FOXO3: variants seen among roughly 807,000 people sequenced by gnomAD.
The protein encoded by FOXO3 is forkhead box O3, also known as forkhead box protein O3.
A neutral mutation model predicts 41.9 loss-of-function variants in FOXO3; 4 were observed. The observed-to-expected ratio is 0.10, with a 90% confidence interval of 0.05 to 0.22. The LOEUF is 0.22. FOXO3 is among the 10% of genes least tolerant of loss of function. The pLI is 1.00. For synonymous variants in FOXO3, 318 were observed against 389.3 expected, an observed-to-expected ratio of 0.82 and a Z score of 2.16; for missense variants, 534 against 906.8, an observed-to-expected ratio of 0.59 and a Z score of 5.28.
intron 1 of FOXO3, among the ~76,000 whole-genome samples, chr6:108,581,043 T>G (rs1776406354): frequency 6.6e-6 from 1 of 152,220 alleles, no homozygotes; most frequent in African/African-American, 2.4e-5. Context: ...CCTGTAGTCA[T>G]TGCTTTCTCT....
chr6:108,567,138 CTT>C lies in FOXO3; in HGVS notation c.621+5316_621+5317del, dbSNP rs918657772. Among the ~76,000 whole-genome samples the C allele has an allele frequency of 5.2e-3, 794 of 152,162 alleles. 8 individuals carry two copies. The highest frequency in any genetic ancestry group is 0.017 in the African/African-American group (719 of 41,498). On this transcript the variant is annotated intron_variant, in intron 1 of 2. Transcript: ENST00000406360. ...TGTCATTGCTGCCTATTCCCGTTGC[CTT>C]TTTTTTACATCTGTATTTCTGCTTT... is the stretch of plus-strand genomic sequence containing the variant.
intron 2 of FOXO3, among the ~76,000 whole-genome samples, chr6:108,674,408 C>T (rs567507138): frequency 2.0e-5 from 3 of 152,302 alleles, no homozygotes; most frequent in African/African-American, 7.2e-5. Context: ...GGAATATGTG[C>T]TGCACGAGGG....
intron 2 of FOXO3, among the ~76,000 whole-genome samples, chr6:108,672,261 C>G (rs1446193391): frequency 6.6e-6 from 1 of 152,178 alleles, no homozygotes; most frequent in African/African-American, 2.4e-5. Context: ...GGCCTTGGGT[C>G]TCCCCAGAGC....
At chr6:108,563,231 T>A (rs1342654322) in intron 1 of FOXO3, among the ~76,000 whole-genome samples, 1 of 152,244 alleles carries the variant, frequency 6.6e-6, no homozygotes, top group African/African-American at 2.4e-5. Context: ...CAAAGTTAAA[T>A]ACGGCTTATA....
At chr6:108,677,038 T>A (rs926228729) in intron 2 of FOXO3, among the ~76,000 whole-genome samples, 1 of 152,228 alleles carries the variant, frequency 6.6e-6, no homozygotes, top group East Asian at 1.9e-4. Flanking sequence ...CTGTATTAAA[T>A]TTGTCCTCTG....
chr6:108,637,608 A>T (rs912691851), intron 1 of FOXO3, among the ~76,000 whole-genome samples: 6 of 152,080 alleles, frequency 3.9e-5, no homozygotes, highest in African/African-American at 1.4e-4. Flanking sequence ...TAGAGTCGTG[A>T]TTCTGGAAGA....
intron 1 of FOXO3, among the ~76,000 whole-genome samples, chr6:108,572,769 A>T (rs1244290157): frequency 6.6e-6 from 1 of 152,202 alleles, no homozygotes; most frequent in Non-Finnish European, 1.5e-5. Context: ...AGCCCTTATT[A>T]TGTGCCCGTT....
chr6:108,588,815 C>T (rs1051344937), intron 1 of FOXO3, among the ~76,000 whole-genome samples: 3 of 152,192 alleles, frequency 2.0e-5, no homozygotes, highest in Admixed American at 6.5e-5. Flanking sequence ...CTTTAGCATG[C>T]TTTCTGCTGT....
At chr6:108,566,284 T>C (rs1434831596) in intron 1 of FOXO3, among the ~76,000 whole-genome samples, 3 of 152,166 alleles carry the variant, frequency 2.0e-5, no homozygotes, top group African/African-American at 7.2e-5. Flanking sequence ...GCAGACTTAT[T>C]TTTAGGAGAT....
chr6:108,675,868 T>A (rs1270615902), intron 2 of FOXO3, among the ~76,000 whole-genome samples: 1 of 152,184 alleles, frequency 6.6e-6, no homozygotes, highest in East Asian at 1.9e-4. Context: ...TGTTTCACAG[T>A]GGATTAAGTT....
intron 1 of FOXO3, among the ~76,000 whole-genome samples, chr6:108,643,118 T>G (rs561823269): frequency 6.6e-6 from 1 of 152,376 alleles, no homozygotes; most frequent in Non-Finnish European, 1.5e-5. Flanking sequence ...GTAAATAGAC[T>G]TCTAAACTTT....
chr6:108,592,191 C>A (rs1345490384), intron 1 of FOXO3, among the ~76,000 whole-genome samples: 1 of 152,142 alleles, frequency 6.6e-6, no homozygotes, highest in Non-Finnish European at 1.5e-5. Context: ...TGTTTTATAT[C>A]TTAATTGTGG....
intron 1 of FOXO3, among the ~76,000 whole-genome samples, chr6:108,632,306 T>A (rs1777994455): frequency 1.3e-5 from 2 of 152,048 alleles, no homozygotes; most frequent in Non-Finnish European, 2.9e-5. Context: ...AAGTAAGGGG[T>A]AGCTGGGGAA....
At chr6:108,625,763 C>A (rs1207332094) in intron 1 of FOXO3, among the ~76,000 whole-genome samples, 1 of 152,138 alleles carries the variant, frequency 6.6e-6, no homozygotes, top group African/African-American at 2.4e-5. Flanking sequence ...AGTGAGCCAA[C>A]AACTTTGCCA....
chr6:108,610,596 T>C (rs1309722586), intron 1 of FOXO3, among the ~76,000 whole-genome samples: 1 of 152,170 alleles, frequency 6.6e-6, no homozygotes, highest in Admixed American at 6.5e-5. Context: ...TAGATAGAAG[T>C]GATAGGACAG....
At chr6:108,577,831 C>T (rs1776304159) in intron 1 of FOXO3, among the ~76,000 whole-genome samples, 1 of 152,204 alleles carries the variant, frequency 6.6e-6, no homozygotes, top group South Asian at 2.1e-4. Context: ...GTAAGGTTGG[C>T]TTCTAAGGGC....
At chr6:108,563,153 G>A (rs1582723315) in intron 1 of FOXO3, among the ~76,000 whole-genome samples, 1 of 152,170 alleles carries the variant, frequency 6.6e-6, no homozygotes, top group African/African-American at 2.4e-5. Flanking sequence ...CTGGAGACGA[G>A]CCTGTAGATG....
Position 108,578,950 on chromosome 6 carries a change from AG to A in FOXO3, c.621+17122del, listed in dbSNP as rs547865751. On this transcript the variant is annotated intron_variant, in intron 1 of 2. Transcript: ENST00000406360. ...GATCCAAACAAGTATGCTGCTTGTC[AG>A]TATCATTGGACTCTGTAGTCCATTA... Among the ~76,000 whole-genome samples, 206 of 152,292 alleles carry A rather than the reference AG, an allele frequency of 1.4e-3. 2 individuals carry two copies. Among genetic ancestry groups the A allele is most frequent in the African/African-American group, 4.6e-3 (192 of 41,552 alleles).
intron 1 of FOXO3, among the ~76,000 whole-genome samples, chr6:108,650,289 T>C (rs1397462679): frequency 6.6e-6 from 1 of 152,130 alleles, no homozygotes; most frequent in Non-Finnish European, 1.5e-5. Flanking sequence ...CCTCCAACTC[T>C]CCACCGTATT....
Sources: allele counts gnomAD v4.1 joint callset (sites outside exome capture counted in the v4.1 genomes callset), GRCh38; gene constraint gnomAD v4.1.1; transcripts MANE v1.5; gene names NCBI Gene and HGNC (gene_info 2026-07-23, HGNC 2026-07-21).